Variants in OTOA observed in about 807,000 individuals in gnomAD.
OTOA encodes the protein otoancorin, also known as cancer/testis antigen 108.
OTOA carries 70 observed loss-of-function variants against 110.8 expected under a neutral mutation model. The observed-to-expected ratio is 0.63, with a 90% confidence interval of 0.52 to 0.77. OTOA has a LOEUF of 0.77. Ranked by LOEUF, OTOA falls within the 30% of genes least tolerant of loss-of-function variation. OTOA has a pLI of 0.00. For synonymous variants in OTOA, 373 were observed against 431.5 expected, an observed-to-expected ratio of 0.86 and a Z score of 1.68; for missense variants, 917 against 1,075.8, an observed-to-expected ratio of 0.85 and a Z score of 2.06.
chr16:21,700,265 T>A (rs1481753747), intron 10 of OTOA, among the ~76,000 whole-genome samples: 1 of 152,216 alleles, frequency 6.6e-6, no homozygotes, highest in Non-Finnish European at 1.5e-5. Context: ...AAGCAGAAAG[T>A]TTGTGGACCA....
chr16:21,718,317 G>C (rs1328038214), intron 15 of OTOA, among the ~76,000 whole-genome samples: 1 of 151,970 alleles, frequency 6.6e-6, no homozygotes, highest in South Asian at 2.1e-4. Flanking sequence ...CTTTTGTCTC[G>C]GCCATTGAGC....
intron 6 of OTOA, chr16:21,684,657 CG>C: frequency 1.2e-6 from 1 of 826,450 alleles, no homozygotes; most frequent in African/African-American, 1.7e-5. Context: ...GATGTGCGCC[CG>C]GTGTTGCCAA....
chr16:21,685,944 A>G (rs1415877717), intron 7 of OTOA, among the ~76,000 whole-genome samples: 1 of 152,144 alleles, frequency 6.6e-6, no homozygotes, highest in Non-Finnish European at 1.5e-5. Context: ...AACATCCACT[A>G]GTAAAAATTA....
intron 19 of OTOA, 36 bp downstream of exon 19, chr16:21,726,694 G>T (rs1237126700): frequency 8.1e-6 from 13 of 1,613,432 alleles, no homozygotes; most frequent in Non-Finnish European, 1.1e-5. Context: ...CCTCCCTCTG[G>T]GTATCTGTGG....
chr16:21,717,312 A>G (rs930400591), intron 15 of OTOA, among the ~76,000 whole-genome samples: 6 of 152,112 alleles, frequency 3.9e-5, no homozygotes, highest in Admixed American at 2.0e-4. Flanking sequence ...ATGGTGATGC[A>G]TGTCTGTGGT....
At chr16:21,708,117 T>C (rs1036950000) in intron 12 of OTOA, among the ~76,000 whole-genome samples, 4 of 152,012 alleles carry the variant, frequency 2.6e-5, no homozygotes, top group Non-Finnish European at 5.9e-5. Context: ...ATTATTACAT[T>C]GTAATATATA....
intron 11 of OTOA, among the ~76,000 whole-genome samples, chr16:21,704,080 G>C (rs1329911627): frequency 6.6e-6 from 1 of 152,072 alleles, no homozygotes; most frequent in East Asian, 1.9e-4. Context: ...TCACAGAGCT[G>C]GGCTTCAAAC....
chr16:21,731,604 G>C (rs1182508279), intron 21 of OTOA, among the ~76,000 whole-genome samples: 1 of 152,188 alleles, frequency 6.6e-6, no homozygotes, highest in African/African-American at 2.4e-5. Context: ...TAAGTCCTAG[G>C]TTGGAAGTTG....
At chr16:21,710,989 C>A (rs1168306892) in intron 13 of OTOA, among the ~76,000 whole-genome samples, 1 of 152,096 alleles carries the variant, frequency 6.6e-6, no homozygotes, top group African/African-American at 2.4e-5. Flanking sequence ...GGCGACAGAG[C>A]AAGACTCCAT....
chr16:21,681,796 A>C lies in OTOA; in HGVS notation c.238A>C (p.Asn80His). The C allele has an allele frequency of 1.9e-6, 3 of 1,613,838 alleles. No individual in the cohort carries two copies. The highest frequency in any genetic ancestry group is 2.5e-6 in the Non-Finnish European group (3 of 1,179,946). ...AGTCCTGGCCTATCTGAATTCCCGG[A>C]ATGTTGCCTTCACCATCCCCAGCCT... ...HRVLAYLNSR[N>H]VAFTIPSLQA... The change falls in exon 6 of 29, where the codon AAT (asparagine) becomes CAT (histidine). Residue 80 changes from asparagine (N) to histidine (H), a missense_variant. Physicochemically the swap from Asn to His is moderately conservative, Grantham distance 68. This residue lies in a region of OTOA where 840 missense variants were observed against 910.2 expected (regional missense o/e 0.92). Transcript: ENST00000646100.
In OTOA at chr16:21,690,815, G is replaced by GT. The variant is rs913420910; in HGVS notation, c.636-757dup. ...CCAATTTACATTCAAGAAAGGGAAG[G>GT]TTTTTTTTTTTTAAATATACTTTAA... On this transcript the variant is annotated intron_variant, in intron 8 of 28. Transcript: ENST00000646100. Among the ~76,000 whole-genome samples, 158 of 144,938 alleles carry GT rather than the reference G, an allele frequency of 1.1e-3. 1 individual carries two copies. Among genetic ancestry groups the GT allele is most frequent in the Admixed American group, 1.1e-3 (16 of 14,514 alleles).
chr16:21,712,543 A>G (rs945491819), intron 13 of OTOA, among the ~76,000 whole-genome samples: 1 of 151,832 alleles, frequency 6.6e-6, no homozygotes, highest in Non-Finnish European at 1.5e-5. Context: ...GTGTCTCACA[A>G]GGAAGAAAAT....
intron 5 of OTOA, among the ~76,000 whole-genome samples, chr16:21,679,961 G>A (rs1033011012): frequency 5.9e-5 from 9 of 152,076 alleles, no homozygotes; most frequent in African/African-American, 2.2e-4. Context: ...CCAGGGACAT[G>A]GGGCAGGGAA....
chr16:21,728,152 A>T (rs986694432), intron 19 of OTOA, 89 bp from the exon 20 acceptor site: 97 of 1,536,716 alleles, frequency 6.3e-5, no homozygotes, highest in Non-Finnish European at 1.7e-5. Flanking sequence ...GGCATAAGCC[A>T]CAGTGCCCAC....
At chr16:21,726,386 G>A (rs1226703557) in intron 18 of OTOA, 137 bp from the exon 19 acceptor site, 2 of 1,233,366 alleles carry the variant, frequency 1.6e-6, no homozygotes, top group Non-Finnish European at 2.3e-6. Context: ...CTGCTGCAGG[G>A]AGCCAAAGCA....
At chr16:21,721,403 C>T in intron 17 of OTOA, 1 of 455,418 alleles carries the variant, frequency 2.2e-6, no homozygotes, top group Non-Finnish European at 4.4e-6. Flanking sequence ...TTGGTTGTCA[C>T]AACCGGAGCA....
At position 21,705,264 on chromosome 16, in the gene OTOA, T is replaced by C; in HGVS notation, c.1076T>C (p.Leu359Pro). ...LLYQMIKCSH[L>P]RGFQAGVQKL... The stretch of plus-strand genomic sequence containing the variant: ...TACCAGATGATCAAGTGCAGCCACC[T>C]GAGGGGCTTCCAGGCTGGCGTCCAG... The change falls in exon 12 of 29, where the codon CTG (leucine) becomes CCG (proline). Residue 359 changes from leucine to proline, a missense_variant. Leu to Pro is a moderately conservative substitution (Grantham distance 98). Transcript: ENST00000646100. 1.2e-6 allele frequency: 2 copies of C among 1,614,136 alleles called. No individual in the cohort carries two copies. Among genetic ancestry groups the C allele is most frequent in the Non-Finnish European group, 1.7e-6 (2 of 1,180,028 alleles).
intron 1 of OTOA, among the ~76,000 whole-genome samples, chr16:21,666,799 A>G (rs769080723): frequency 1.5e-4 from 23 of 152,100 alleles, no homozygotes; most frequent in Non-Finnish European, 3.1e-4. Context: ...CTTTTGACCA[A>G]TCTGCTAAAA....
At position 21,722,889 on chromosome 16, in the gene OTOA, C is replaced by A. The variant is rs771072202; in HGVS notation, c.1807-16C>A. ...TTCTTACTGCATTAAATCCCCAGAA[C>A]TGCTTAATCTTTCAGGTTAATTGTT... On this transcript the variant is annotated splice_polypyrimidine_tract_variant and intron_variant, in intron 17 of 28. Transcript: ENST00000646100. The A allele has an allele frequency of 6.2e-7, 1 of 1,611,524 alleles. No homozygotes were observed. Among genetic ancestry groups the A allele is most frequent in the South Asian group, 1.1e-5 (1 of 91,034 alleles).
Sources: allele counts gnomAD v4.1 joint callset (sites outside exome capture counted in the v4.1 genomes callset), GRCh38; gene constraint gnomAD v4.1.1; regional missense constraint gnomAD v4.1.1; transcripts MANE v1.5; gene names NCBI Gene and HGNC (gene_info 2026-07-23, HGNC 2026-07-21).